FARS2: variants seen among roughly 807,000 people sequenced by gnomAD.
FARS2 encodes phenylalanyl-tRNA synthetase 2, mitochondrial.
In FARS2, 40 loss-of-function variants were observed where a neutral mutation model predicts 46.4. The ratio of observed to expected loss-of-function variants is 0.86; its 90% confidence interval spans 0.67 to 1.12. FARS2 has a LOEUF of 1.12. Among genes scored for constraint, FARS2 ranks in the 50% most tolerant of loss-of-function variants. The pLI, the probability that FARS2 is intolerant of heterozygous loss-of-function variation, is 0.00. For missense variants in FARS2, 513 were observed against 567.9 expected (o/e 0.90, Z 0.98); for synonymous variants, 234 against 214.9 (o/e 1.09, Z -0.78).
the FARS2 span, among the ~76,000 whole-genome samples, chr6:5,255,178 GA>G: frequency 6.6e-6 from 1 of 152,272 alleles, no homozygotes; most frequent in East Asian, 1.9e-4. Context: ...TTAGCCAAGG[GA>G]CCATGGCGGG....
chr6:5,282,431 G>T (rs1052426578), intron 1 of FARS2, among the ~76,000 whole-genome samples: 2 of 152,158 alleles, frequency 1.3e-5, no homozygotes, highest in South Asian at 2.1e-4. Flanking sequence ...GGTTGGTGGT[G>T]GTTTCAGTAG....
At chr6:5,259,786 CAGGTAGTT>C (rs1764888659), upstream of FARS2, among the ~76,000 whole-genome samples, 1 of 151,718 alleles carries the variant, frequency 6.6e-6, no homozygotes, top group Non-Finnish European at 1.5e-5. Context: ...CAGAGAGAGA[CAGGTAGTT>C]AGTAAAAACA....
At chr6:5,703,596 T>G (rs1758569091) in intron 6 of FARS2, among the ~76,000 whole-genome samples, 1 of 152,200 alleles carries the variant, frequency 6.6e-6, no homozygotes. Flanking sequence ...TACTTCACAC[T>G]ACCTCTTCCT....
intron 3 of FARS2, among the ~76,000 whole-genome samples, chr6:5,416,513 A>C (rs1281944517): frequency 6.6e-6 from 1 of 152,184 alleles, no homozygotes; most frequent in South Asian, 2.1e-4. Context: ...TCTTGACACA[A>C]TACTTCACTG....
At chr6:5,678,458 G>A (rs979247779) in intron 6 of FARS2, among the ~76,000 whole-genome samples, 1 of 152,164 alleles carries the variant, frequency 6.6e-6, no homozygotes, top group Non-Finnish European at 1.5e-5. Context: ...AGCCCCTCAG[G>A]CCATGGCTTC....
chr6:5,724,450 C>G (rs1306083757), intron 6 of FARS2, among the ~76,000 whole-genome samples: 1 of 152,176 alleles, frequency 6.6e-6, no homozygotes, highest in African/African-American at 2.4e-5. Flanking sequence ...TTGCCTGTGC[C>G]CATGAGGTGG....
At chr6:5,611,519 CA>C (rs773344158) in intron 5 of FARS2, among the ~76,000 whole-genome samples, 1 of 152,030 alleles carries the variant, frequency 6.6e-6, no homozygotes, top group Admixed American at 6.6e-5. Flanking sequence ...GTCTCCCATT[CA>C]AAAAAACAAA....
chr6:5,574,585 A>T (rs2150566600), intron 5 of FARS2, among the ~76,000 whole-genome samples: 1 of 152,340 alleles, frequency 6.6e-6, no homozygotes, highest in South Asian at 2.1e-4. Flanking sequence ...GATTTTGTGT[A>T]TCTGTGTGTG....
At chr6:5,737,172 C>T (rs1366523303) in intron 6 of FARS2, among the ~76,000 whole-genome samples, 3 of 152,160 alleles carry the variant, frequency 2.0e-5, no homozygotes, top group Admixed American at 6.5e-5. Flanking sequence ...CACAGAAATA[C>T]ACTCAGAGCC....
chr6:5,533,299 A>G (rs1769979781), intron 4 of FARS2, among the ~76,000 whole-genome samples: 1 of 152,208 alleles, frequency 6.6e-6, no homozygotes. Context: ...CAATATCACT[A>G]CTGTTAAATA....
At chr6:5,603,216 C>T (rs1021364218) in intron 5 of FARS2, among the ~76,000 whole-genome samples, 1 of 152,206 alleles carries the variant, frequency 6.6e-6, no homozygotes, top group Non-Finnish European at 1.5e-5. Context: ...CAACCTCAGC[C>T]TCCCAAGAAG....
chr6:5,676,309 C>T (rs2150821526), intron 6 of FARS2, among the ~76,000 whole-genome samples: 1 of 152,316 alleles, frequency 6.6e-6, no homozygotes, highest in African/African-American at 2.4e-5. Flanking sequence ...CTCCTACATT[C>T]TCAGATTAGG....
At chr6:5,706,269 C>T (rs1447938755) in intron 6 of FARS2, among the ~76,000 whole-genome samples, 1 of 152,232 alleles carries the variant, frequency 6.6e-6, no homozygotes, top group Non-Finnish European at 1.5e-5. Context: ...TCCTGCCACG[C>T]AGCCTGCTTC....
rs560386760 is a variant in FARS2 at position 5,650,920 on chromosome 6, T to C, written c.1217+37600T>C. On this transcript the variant is annotated intron_variant, in intron 6 of 6. Transcript: ENST00000274680. ...AGTTCACTTTCTGATTCTTACTGGT[T>C]TTGCGAGCTTCCACCAATTATTCAC... Among the ~76,000 whole-genome samples, 7 of 152,318 alleles carry C rather than the reference T, an allele frequency of 4.6e-5. No individual in the cohort carries two copies. In the East Asian group the frequency reaches 1.4e-3, roughly 29 times the overall value.
Position 5,607,093 on chromosome 6 carries a change from T to G in FARS2, c.1066-6076T>G, listed in dbSNP as rs534554739. Among the ~76,000 whole-genome samples, 10 of 152,236 alleles carry G rather than the reference T, an allele frequency of 6.6e-5. No individual in the cohort carries two copies. The East Asian group carries it at 1.9e-3, about 29-fold the overall frequency. ...GAAAAAATACGGAATTTAAAAATAT[T>G]TTTAACTTAAAATTAGCTGTTGAGT... On this transcript the variant is annotated intron_variant, in intron 5 of 6. Coordinates refer to ENST00000274680, the MANE Select transcript of FARS2 (RefSeq NM_006567.5).
chr6:5,290,827 C>T (rs777316273), intron 1 of FARS2, among the ~76,000 whole-genome samples: 13 of 152,180 alleles, frequency 8.5e-5, no homozygotes, highest in Non-Finnish European at 1.6e-4. Flanking sequence ...AGCCTTCCAC[C>T]TCCCACCTCA....
intron 1 of FARS2, among the ~76,000 whole-genome samples, chr6:5,333,222 A>G (rs976961793): frequency 1.3e-5 from 2 of 151,684 alleles, no homozygotes; most frequent in African/African-American, 4.8e-5. Flanking sequence ...CTTGAAATAG[A>G]TGGACAGGGA....
intron 3 of FARS2, among the ~76,000 whole-genome samples, chr6:5,426,442 T>C (rs767344122): frequency 1.3e-4 from 20 of 152,196 alleles, no homozygotes; most frequent in Non-Finnish European, 2.1e-4. Context: ...TTGTATCTTT[T>C]AATACAAGAA....
chr6:5,268,105 C>T (rs1340571787), intron 1 of FARS2, among the ~76,000 whole-genome samples: 5 of 152,114 alleles, frequency 3.3e-5, no homozygotes, highest in African/African-American at 1.2e-4. Flanking sequence ...TGGATATTAG[C>T]CCTTTGTCAG....
Sources: gnomAD v4.1 joint callset for allele counts (sites outside exome capture counted in the v4.1 genomes callset) on GRCh38, gnomAD v4.1.1 for gene constraint, MANE v1.5 for transcripts, NCBI Gene and HGNC (gene_info 2026-07-23, HGNC 2026-07-21) for gene names.